FHIT: variants seen among roughly 807,000 people sequenced by gnomAD.
The protein encoded by FHIT is fragile histidine triad diadenosine triphosphatase, also known as bis(5'-adenosyl)-triphosphatase.
FHIT carries 19 observed loss-of-function variants against 17.9 expected under a neutral mutation model. That is an observed-to-expected ratio of 1.06 (90% CI 0.74 to 1.56). The LOEUF (loss-of-function observed/expected upper bound fraction) is 1.56, where lower values mean the gene tolerates loss of function less well. FHIT is among the 40% of genes most tolerant of loss of function. The pLI, the probability that FHIT is intolerant of heterozygous loss-of-function variation, is 0.00. For missense variants in FHIT, 248 were observed against 189.2 expected (o/e 1.31, Z -1.82); for synonymous variants, 81 against 69.7 (o/e 1.16, Z -0.81).
At chr3:60,087,357 A>T (rs1457407501) in intron 5 of FHIT, among the ~76,000 whole-genome samples, 1 of 152,150 alleles carries the variant, frequency 6.6e-6, no homozygotes. Flanking sequence ...GCTCCATTTT[A>T]ATCATGCTAA....
intron 5 of FHIT, among the ~76,000 whole-genome samples, chr3:60,212,901 A>G (rs1703524333): frequency 6.6e-6 from 1 of 152,176 alleles, no homozygotes; most frequent in Non-Finnish European, 1.5e-5. Context: ...GGATGTTCCA[A>G]GTGGAGCAGC....
intron 5 of FHIT, among the ~76,000 whole-genome samples, chr3:60,342,146 T>C (rs1052373701): frequency 5.9e-5 from 9 of 152,190 alleles, no homozygotes; most frequent in Non-Finnish European, 8.8e-5. Context: ...TTCACCCTGT[T>C]CTCCCAATAA....
chr3:60,522,363 G>A (rs547108577), intron 5 of FHIT, among the ~76,000 whole-genome samples: 114 of 152,280 alleles, frequency 7.5e-4, no homozygotes, highest in African/African-American at 2.6e-3. Flanking sequence ...ACCTGCCTCA[G>A]CCTCCCAAAG....
intron 5 of FHIT, among the ~76,000 whole-genome samples, chr3:60,195,583 A>G: frequency 7.4e-6 from 1 of 134,488 alleles, no homozygotes; most frequent in African/African-American, 2.5e-5. Context: ...AATTATATTT[A>G]TATTTATATA....
chr3:59,945,539 C>CT (rs201054302), intron 7 of FHIT, among the ~76,000 whole-genome samples: 13,843 of 140,706 alleles, frequency 0.098, 828 homozygotes, highest in South Asian at 0.17. Context: ...TTCCATTTGT[C>CT]TTTTTTTTTT....
At chr3:60,567,041 A>C (rs561663698) in intron 4 of FHIT, among the ~76,000 whole-genome samples, 175 of 149,582 alleles carry the variant, frequency 1.2e-3, no homozygotes, top group African/African-American at 4.2e-3. Context: ...TGCCCAAGGT[A>C]ATTTATAGAT....
At chr3:60,124,017 G>C (rs1393497443) in intron 5 of FHIT, among the ~76,000 whole-genome samples, 1 of 63,012 alleles carries the variant, frequency 1.6e-5, no homozygotes, top group Non-Finnish European at 3.3e-5. Context: ...TATAGAGAGA[G>C]AGAGAGAGAG....
chr3:60,803,737 A>G (rs1184853245), intron 4 of FHIT, among the ~76,000 whole-genome samples: 1 of 152,126 alleles, frequency 6.6e-6, no homozygotes, highest in Non-Finnish European at 1.5e-5. Context: ...TTGCAGTGCC[A>G]GCTAGCTCCT....
chr3:60,251,953 T>C (rs1473986817), intron 5 of FHIT, among the ~76,000 whole-genome samples: 3 of 152,138 alleles, frequency 2.0e-5, no homozygotes, highest in South Asian at 2.1e-4. Flanking sequence ...ACTTCCAGAA[T>C]GGCCAAAATT....
At chr3:60,687,475 G>C (rs1553698720) in intron 4 of FHIT, among the ~76,000 whole-genome samples, 1 of 151,810 alleles carries the variant, frequency 6.6e-6, no homozygotes, top group African/African-American at 2.4e-5. Context: ...ACTGATTTTT[G>C]CATTTAAACT....
At chr3:60,070,452 T>C (rs1413739366) in intron 5 of FHIT, among the ~76,000 whole-genome samples, 3 of 152,216 alleles carry the variant, frequency 2.0e-5, no homozygotes, top group East Asian at 1.9e-4. Flanking sequence ...GAACCAATCA[T>C]GCATCATGAC....
At chr3:61,092,502 A>AAAAT (rs1553835853) in intron 2 of FHIT, among the ~76,000 whole-genome samples, 5 of 149,486 alleles carry the variant, frequency 3.3e-5, no homozygotes, top group African/African-American at 1.2e-4. Context: ...GTCCCTTAAA[A>AAAAT]ATATATATAT....
intron 5 of FHIT, among the ~76,000 whole-genome samples, chr3:60,096,388 A>T (rs1703950345): frequency 6.6e-6 from 1 of 152,144 alleles, no homozygotes; most frequent in Non-Finnish European, 1.5e-5. Flanking sequence ...AGTACTCGAA[A>T]AAGCAACATT....
chr3:60,882,215 C>A (rs1314338674), intron 3 of FHIT, among the ~76,000 whole-genome samples: 3 of 151,992 alleles, frequency 2.0e-5, no homozygotes, highest in African/African-American at 7.2e-5. Context: ...TTACAAGCAA[C>A]AAGTTGAATC....
chr3:59,941,954 C>G (rs1387673424), intron 7 of FHIT, among the ~76,000 whole-genome samples: 1 of 152,190 alleles, frequency 6.6e-6, no homozygotes. Context: ...AGAGCTCACT[C>G]CTCTCGTGAA....
intron 7 of FHIT, among the ~76,000 whole-genome samples, chr3:60,004,090 G>A (rs191559950): frequency 6.4e-4 from 97 of 152,062 alleles, no homozygotes; most frequent in African/African-American, 2.3e-3. Context: ...GTGAGTAACC[G>A]GCCTTACTAC....
chr3:60,105,974 A>T (rs1576111293), intron 5 of FHIT, among the ~76,000 whole-genome samples: 1 of 152,204 alleles, frequency 6.6e-6, no homozygotes, highest in Non-Finnish European at 1.5e-5. Context: ...TTAAATGGAA[A>T]ATCCCAGAAA....
chr3:60,277,387 C>T (rs1049534631), intron 5 of FHIT, among the ~76,000 whole-genome samples: 7 of 152,166 alleles, frequency 4.6e-5, no homozygotes, highest in Admixed American at 1.3e-4. Flanking sequence ...GCTGCAGACC[C>T]AGACAAGCAA....
At chr3:60,338,579 G>T (rs61368258) in intron 5 of FHIT, among the ~76,000 whole-genome samples, 2,638 of 152,172 alleles carry the variant, frequency 0.017, 78 homozygotes, top group African/African-American at 0.061. Context: ...TTTATCACAT[G>T]CTGCCTTCCA....
Sources: gnomAD v4.1 joint callset for allele counts (sites outside exome capture counted in the v4.1 genomes callset) on GRCh38, gnomAD v4.1.1 for gene constraint, MANE v1.5 for transcripts, NCBI Gene and HGNC (gene_info 2026-07-23, HGNC 2026-07-21) for gene names.